Variants in ATAD2B observed in about 807,000 individuals in gnomAD.
ATAD2B encodes the protein ATPase family AAA domain-containing protein 2B.
A neutral mutation model predicts 167.6 loss-of-function variants in ATAD2B; 40 were observed. The observed-to-expected ratio is 0.24, with a 90% CI of 0.19 to 0.31. The LOEUF (loss-of-function observed/expected upper bound fraction) is 0.31. ATAD2B is among the 10% of genes least tolerant of loss of function. The pLI, the probability that ATAD2B is intolerant of heterozygous loss-of-function variation, is 1.00. For synonymous variants in ATAD2B, 579 were observed against 596.5 expected (o/e 0.97, Z 0.43); for missense variants, 1,242 against 1,757.2 (o/e 0.71, Z 5.24).
chr2:23,907,083 C>T (rs1283336934), intron 1 of ATAD2B, among the ~76,000 whole-genome samples: 4 of 151,316 alleles, frequency 2.6e-5, no homozygotes, highest in Non-Finnish European at 5.9e-5. Flanking sequence ...TCTCTCACCA[C>T]TCCTATTCAA....
chr2:23,756,839 G>A (rs1469857751), intron 25 of ATAD2B, among the ~76,000 whole-genome samples: 1 of 152,132 alleles, frequency 6.6e-6, no homozygotes, highest in South Asian at 2.1e-4. Flanking sequence ...GTTACCACGA[G>A]AGGCAATTAA....
intron 17 of ATAD2B, among the ~76,000 whole-genome samples, chr2:23,812,453 C>T (rs994730083): frequency 1.3e-5 from 2 of 152,076 alleles, no homozygotes; most frequent in Non-Finnish European, 2.9e-5. Flanking sequence ...TTATTTTATA[C>T]ACATAGGATT....
intron 18 of ATAD2B, among the ~76,000 whole-genome samples, chr2:23,807,131 A>G (rs1328089237): frequency 6.6e-6 from 1 of 152,200 alleles, no homozygotes; most frequent in Non-Finnish European, 1.5e-5. Flanking sequence ...TTCACTCCCA[A>G]TGCAGAGATC....
Position 23,895,979 on chromosome 2 carries a change from C to G in ATAD2B, c.217-9G>C. 6.2e-7 allele frequency: 1 copy of G among 1,606,264 alleles called. No individual in the cohort carries two copies. Among genetic ancestry groups the G allele is most frequent in the Admixed American group, 1.7e-5 (1 of 59,522 alleles). On this transcript the variant is annotated splice_polypyrimidine_tract_variant and intron_variant, in intron 1 of 27. Coordinates refer to ENST00000238789, the MANE Select transcript of ATAD2B (RefSeq NM_017552.4). The stretch of plus-strand genomic sequence containing the variant: ...CCATCAACTTCAACTTTCTGAAAGA[C>G]AATGTTAAAAATGTATTTATTATTC...
intron 17 of ATAD2B, among the ~76,000 whole-genome samples, chr2:23,819,346 C>T (rs549912691): frequency 1.3e-5 from 2 of 152,060 alleles, no homozygotes; most frequent in East Asian, 3.8e-4. Context: ...CAAAAATTAG[C>T]TGGGCGTGGT....
At chr2:23,778,882 A>G (rs1205512729) in intron 22 of ATAD2B, among the ~76,000 whole-genome samples, 1 of 152,206 alleles carries the variant, frequency 6.6e-6, no homozygotes, top group Non-Finnish European at 1.5e-5. Flanking sequence ...CTCATTACAT[A>G]TTACACAATA....
intron 11 of ATAD2B, among the ~76,000 whole-genome samples, chr2:23,864,362 T>C (rs965501130): frequency 1.3e-5 from 2 of 152,102 alleles, no homozygotes; most frequent in Non-Finnish European, 2.9e-5. Context: ...TTTCCAATAG[T>C]TCCCCAGCTA....
intron 20 of ATAD2B, among the ~76,000 whole-genome samples, chr2:23,787,828 C>T (rs1371978820): frequency 1.3e-5 from 2 of 152,014 alleles, no homozygotes; most frequent in Non-Finnish European, 2.9e-5. Flanking sequence ...TTATCCTTTA[C>T]ACATCTTTAA....
intron 22 of ATAD2B, among the ~76,000 whole-genome samples, chr2:23,775,461 C>T (rs1678957692): frequency 6.6e-6 from 1 of 152,118 alleles, no homozygotes; most frequent in Non-Finnish European, 1.5e-5. Context: ...ATCCGCCCGC[C>T]TTGGCCTCTC....
chr2:23,867,973 G>C, intron 9 of ATAD2B, 27 bp from the exon 10 acceptor site: 2 of 1,461,400 alleles, frequency 1.4e-6, no homozygotes, highest in Non-Finnish European at 9.5e-7. Context: ...TGCAAGTAAA[G>C]TTGCATTAAA....
intron 1 of ATAD2B, among the ~76,000 whole-genome samples, chr2:23,902,164 A>G (rs766702323): frequency 6.6e-5 from 10 of 152,236 alleles, no homozygotes. Context: ...TTCTTAGTAC[A>G]CAAAAGTCTG....
chr2:23,925,457 T>G (rs765643848), intron 1 of ATAD2B, among the ~76,000 whole-genome samples: 1 of 152,138 alleles, frequency 6.6e-6, no homozygotes, highest in Non-Finnish European at 1.5e-5. Context: ...CCCTAGAACA[T>G]AAAATATTGC....
At chr2:23,857,354 G>T in intron 13 of ATAD2B, 61 bp downstream of exon 13, 2 of 921,834 alleles carry the variant, frequency 2.2e-6, no homozygotes, top group South Asian at 1.7e-5. Context: ...TAAGGGCTAA[G>T]GCTAACTACC....
chr2:23,851,763 C>G (rs948301348), intron 13 of ATAD2B, among the ~76,000 whole-genome samples: 20 of 152,194 alleles, frequency 1.3e-4, no homozygotes, highest in African/African-American at 4.6e-4. Context: ...ACTCTGCCTA[C>G]AAATCCCCCT....
At chr2:23,837,493 C>G (rs886984416) in intron 13 of ATAD2B, among the ~76,000 whole-genome samples, 1 of 152,202 alleles carries the variant, frequency 6.6e-6, no homozygotes, top group African/African-American at 2.4e-5. Flanking sequence ...GCGGCTGCAG[C>G]TGCACCCAGG....
chr2:23,905,305 C>T (rs145972235), intron 1 of ATAD2B, among the ~76,000 whole-genome samples: 5 of 152,196 alleles, frequency 3.3e-5, no homozygotes, highest in African/African-American at 1.2e-4. Flanking sequence ...ATCACTTAAG[C>T]CCATGAGTTC....
At chr2:23,678,169 C>G in the ATAD2B span, among the ~76,000 whole-genome samples, 1 of 152,212 alleles carries the variant, frequency 6.6e-6, no homozygotes, top group Admixed American at 6.5e-5. Flanking sequence ...AACTTCATCT[C>G]CAGCCTTGGT....
chr2:23,840,391 A>G (rs1351030663), intron 13 of ATAD2B, among the ~76,000 whole-genome samples: 1 of 152,114 alleles, frequency 6.6e-6, no homozygotes, highest in East Asian at 1.9e-4. Flanking sequence ...TTTTCAAAGA[A>G]CCAACTTTAT....
rs190262206 is a variant in ATAD2B at position 23,831,005 on chromosome 2, T to A, written c.1729-2066A>T. ...TCCCTAATAATGCTCTTTCCCTATA[T>A]AACCCAATCAAAGTCACTTTCCTTT... is the stretch of plus-strand genomic sequence containing the variant. On this transcript the variant is annotated intron_variant, in intron 14 of 27. Coordinates refer to ENST00000238789, the MANE Select transcript of ATAD2B (RefSeq NM_017552.4). 1.1e-3 allele frequency among the ~76,000 whole-genome samples: 171 copies of A among 152,246 alleles called. 1 individual carries two copies. Among genetic ancestry groups the A allele is most frequent in the African/African-American group, 4.0e-3 (167 of 41,558 alleles).
Sources: allele counts gnomAD v4.1 joint callset (sites outside exome capture counted in the v4.1 genomes callset), GRCh38; gene constraint gnomAD v4.1.1; transcripts MANE v1.5; gene names NCBI Gene and HGNC (gene_info 2026-07-23, HGNC 2026-07-21).